Variants in ADAD2 observed in about 807,000 individuals in gnomAD.
ADAD2 encodes adenosine deaminase domain containing 2.
Under a neutral mutation model 54.5 loss-of-function variants are expected in ADAD2, and 60 were observed. The ratio of observed to expected loss-of-function variants is 1.10; its 90% CI spans 0.89 to 1.36. ADAD2 has a LOEUF of 1.36. Ranked by LOEUF, ADAD2 falls within the 40% of genes most tolerant of loss-of-function variation. The pLI is 0.00. For synonymous variants in ADAD2, 543 were observed against 366.2 expected (o/e 1.48, Z -5.51); for missense variants, 1,103 against 801.3 (o/e 1.38, Z -4.54).
In ADAD2 at chr16:84,193,738, C is replaced by G. The variant is rs143269934; in HGVS notation, c.419-704C>G. 4.6e-4 allele frequency: 164 copies of G among 353,046 alleles called. 1 individual carries two copies. In the East Asian group the frequency reaches 7.3e-3, roughly 16 times the overall value. 21.9% of individuals were successfully genotyped at this position (353,046 alleles called of 1,614,324 possible). On this transcript the variant is annotated intron_variant, in intron 1 of 9. Coordinates refer to ENST00000315906, the MANE Select transcript of ADAD2 (RefSeq NM_001145400.2). Reference sequence around the variant, plus strand: ...TGTTAGGATGGCAGCCACATGCTGGCTTTCTAAGGCCAACATCCCTTCCAC... The same window carrying G: ...TGTTAGGATGGCAGCCACATGCTGGGTTTCTAAGGCCAACATCCCTTCCAC...
Position 84,195,696 on chromosome 16 carries a change from T to A in ADAD2, c.1051T>A (p.Tyr351Asn). Residue 351 changes from tyrosine to asparagine, a missense_variant and splice_region_variant, in exon 6 of 10, where the codon TAC becomes AAC. By Grantham distance (143) the Tyr-to-Asn change is moderately radical. Coordinates refer to ENST00000315906, the MANE Select transcript of ADAD2 (RefSeq NM_001145400.2). ...NTPKGAARDI[Y>N]LPPTSEGGLP... ...CCCCAAGGGCGCGGCCCGTGACATC[T>A]AGTATGCAGGGCCCCCGGGGCAGGC... 2 of 1,542,382 alleles carry A rather than the reference T, an allele frequency of 1.3e-6. No individual in the cohort carries two copies. Among genetic ancestry groups the A allele is most frequent in the Non-Finnish European group, 1.7e-6 (2 of 1,147,020 alleles).
chr16:84,197,047 C>G lies in ADAD2; in HGVS notation c.*73C>G, dbSNP rs889446514. On this transcript the variant is annotated 3_prime_UTR_variant, in exon 10 of 10. Coordinates refer to ENST00000315906, the MANE Select transcript of ADAD2 (RefSeq NM_001145400.2). Reference sequence around the variant, plus strand: ...CTGGGGGAGTGCCCTATCTGAGGAGCGTTGTGGGGAGAACATGGGTTGTGC... The same window carrying G: ...CTGGGGGAGTGCCCTATCTGAGGAGGGTTGTGGGGAGAACATGGGTTGTGC... 6.9e-7 allele frequency: 1 copy of G among 1,441,508 alleles called. No homozygotes were observed. Among genetic ancestry groups the G allele is most frequent in the Admixed American group, 2.0e-5 (1 of 48,810 alleles). 89.3% of individuals were successfully genotyped at this position (1,441,508 alleles called of 1,614,324 possible).
intron 1 of ADAD2, chr16:84,193,977 G>A (rs371302161): frequency 2.6e-6 from 4 of 1,534,972 alleles, no homozygotes; most frequent in Non-Finnish European, 3.5e-6. Context: ...TGTGTTATAA[G>A]TAACACCCAA....
At position 84,195,844 on chromosome 16, in the gene ADAD2, C is replaced by G. The variant is rs766729531; in HGVS notation, c.1082C>G (p.Pro361Arg). Residue 361 changes from proline (P) to arginine (R), a missense_variant, in exon 7 of 10, where the codon CCG becomes CGG. Pro to Arg is a moderately radical substitution (Grantham distance 103). Coordinates refer to ENST00000315906, the MANE Select transcript of ADAD2 (RefSeq NM_001145400.2). The part of the protein sequence containing the change: ...YLPPTSEGGL[P>R]HSPPMRLQAH... ...CCCCCCACCTCGGAAGGTGGCCTCCCGCACAGCCCACCCATGCGCCTGCAG... is the reference window on the plus strand; with the variant it reads ...CCCCCCACCTCGGAAGGTGGCCTCCGGCACAGCCCACCCATGCGCCTGCAG... 1 of 1,607,510 alleles carries G rather than the reference C, an allele frequency of 6.2e-7. No homozygotes were observed. The highest frequency in any genetic ancestry group is 2.2e-5 in the East Asian group (1 of 44,774).
chr16:84,195,222 G>T (rs1257590626), intron 4 of ADAD2, 28 bp downstream of exon 4: 2 of 1,610,390 alleles, frequency 1.2e-6, no homozygotes, highest in Non-Finnish European at 1.7e-6. Flanking sequence ...CCTGGCCCTG[G>T]CCCCGGCCCC....
chr16:84,191,200 G>C lies in ADAD2; in HGVS notation c.-31G>C. On this transcript the variant is annotated 5_prime_UTR_variant, in exon 1 of 10. Coordinates refer to ENST00000315906, the MANE Select transcript of ADAD2 (RefSeq NM_001145400.2). ...AAAGGGCGAGAGCAGCGCGAGATAG[G>C]GCCTAGCGCCTCAGATCTTCGTTGG... The C allele has an allele frequency of 6.3e-7, 1 of 1,596,866 alleles. No individual in the cohort carries two copies. Among genetic ancestry groups the C allele is most frequent in the East Asian group, 2.3e-5 (1 of 44,444 alleles).
rs2089654688 is a variant in ADAD2 at position 84,191,559 on chromosome 16, AC to A, written c.332del (p.Pro111HisfsTer37). ...GCAGGGCTCAGCCTGCCGCTCAAAG[AC>A]CCACCTGCCAGCCAGGCCGTGTCCT... ...PPAGLSLPLKDPPASQAVSLL... is the reference protein window; with the variant it reads ...PPAGLSLPLKXPPASQAVSLL... On this transcript the variant is annotated frameshift_variant, in exon 1 of 10. Coordinates refer to ENST00000315906, the MANE Select transcript of ADAD2 (RefSeq NM_001145400.2). LOFTEE classifies it high-confidence loss of function. 6.5e-7 allele frequency: 1 copy of A among 1,548,182 alleles called. No homozygotes were observed. The highest frequency in any genetic ancestry group is 8.7e-7 in the Non-Finnish European group (1 of 1,146,632).
intron 2 of ADAD2, 131 bp downstream of exon 2, chr16:84,194,713 A>C: frequency 6.9e-7 from 1 of 1,459,330 alleles, no homozygotes; most frequent in Non-Finnish European, 9.3e-7. Context: ...CCATCTGAGC[A>C]TCAGGACGTC....
Position 84,191,411 on chromosome 16 carries a change from G to T in ADAD2, c.181G>T (p.Val61Phe), listed in dbSNP as rs1279294551. 6.7e-7 allele frequency: 1 copy of T among 1,495,518 alleles called. No homozygotes were observed. Among genetic ancestry groups the T allele is most frequent in the African/African-American group, 1.4e-5 (1 of 71,036 alleles). 92.6% of individuals were successfully genotyped at this position (1,495,518 alleles called of 1,614,324 possible). Residue 61 changes from valine (V) to phenylalanine (F), a missense_variant, in exon 1 of 10, where the codon GTC becomes TTC. Coordinates refer to ENST00000315906, the MANE Select transcript of ADAD2 (RefSeq NM_001145400.2). ...TYRAEGGWPQ[V>F]SVLRDSGPGA... Reference sequence around the variant, plus strand: ...TCGCGCGGAGGGCGGGTGGCCCCAGGTCTCGGTGTTGAGGGACAGTGGGCC... The same window carrying T: ...TCGCGCGGAGGGCGGGTGGCCCCAGTTCTCGGTGTTGAGGGACAGTGGGCC...
In ADAD2 at chr16:84,197,014, T is replaced by C; in HGVS notation, c.*40T>C. On this transcript the variant is annotated 3_prime_UTR_variant, in exon 10 of 10. Transcript: ENST00000315906. ...GGACCGAGGTCCCGGAGCCAAGCTG[T>C]ACCCCTGCTGGGGGAGTGCCCTATC... 6.5e-7 allele frequency: 1 copy of C among 1,546,234 alleles called. No homozygotes were observed. Among genetic ancestry groups the C allele is most frequent in the South Asian group, 1.2e-5 (1 of 84,264 alleles).
chr16:84,197,018 C>T lies in ADAD2; in HGVS notation c.*44C>T, dbSNP rs11639669. The T allele has an allele frequency of 1.9e-6, 3 of 1,541,812 alleles. No individual in the cohort carries two copies. The highest frequency in any genetic ancestry group is 1.8e-6 in the Non-Finnish European group (2 of 1,138,698). On this transcript the variant is annotated 3_prime_UTR_variant, in exon 10 of 10. Coordinates refer to ENST00000315906, the MANE Select transcript of ADAD2 (RefSeq NM_001145400.2). Reference sequence around the variant, plus strand: ...CGAGGTCCCGGAGCCAAGCTGTACCCCTGCTGGGGGAGTGCCCTATCTGAG... The same window carrying T: ...CGAGGTCCCGGAGCCAAGCTGTACCTCTGCTGGGGGAGTGCCCTATCTGAG...
intron 6 of ADAD2, 46 bp from the exon 7 acceptor site, chr16:84,195,769 A>C (rs936035411): frequency 1.7e-5 from 26 of 1,550,132 alleles, no homozygotes; most frequent in Non-Finnish European, 2.2e-5. Flanking sequence ...GGCCAGGGTC[A>C]GAAGAGCAGC....
chr16:84,195,435 G>A lies in ADAD2; in HGVS notation c.873G>A (p.Arg291=), dbSNP rs768360678. The A allele has an allele frequency of 1.2e-6, 2 of 1,609,852 alleles. No homozygotes were observed. Among genetic ancestry groups the A allele is most frequent in the South Asian group, 2.2e-5 (2 of 91,010 alleles). Residue 291 remains arginine, a synonymous_variant, in exon 5 of 10, where the codon AGG becomes AGA. Coordinates refer to ENST00000315906, the MANE Select transcript of ADAD2 (RefSeq NM_001145400.2). ...GCCATGGCCTGGTCATCGCCCGCAG[G>A]GCCCTGCTGAGGTGAGGGGCAGTGG... ...HDCHGLVIAR[R]ALLRFLFRQL...
Position 84,194,545 on chromosome 16 carries a change from T to G in ADAD2, c.522T>G (p.Ser174=), listed in dbSNP as rs2089700607. 2 of 1,609,612 alleles carry G rather than the reference T, an allele frequency of 1.2e-6. No homozygotes were observed. The highest frequency in any genetic ancestry group is 1.7e-5 in the Admixed American group (1 of 59,466). ...AGGCCAAACAGCAGGCAGCGCTCTC[T>G]GCCCTCTGCTACATCCGGAGTCAGC... ...KTEAKQQAAL[S]ALCYIRSQLE... is the part of the protein sequence containing the mutation. The change falls in exon 2 of 10, where the codon TCT becomes TCG. Residue 174 remains serine (S), a synonymous_variant. Coordinates refer to ENST00000315906, the MANE Select transcript of ADAD2 (RefSeq NM_001145400.2).
At chr16:84,194,884 A>T in intron 2 of ADAD2, 49 bp from the exon 3 acceptor site, 21 of 1,558,516 alleles carry the variant, frequency 1.3e-5, no homozygotes, top group Non-Finnish European at 1.6e-5. Context: ...TGAGGGACGG[A>T]GGGTGGGCCT....
At chr16:84,194,181 C>A in intron 1 of ADAD2, 1 of 1,593,168 alleles carries the variant, frequency 6.3e-7, no homozygotes, top group African/African-American at 1.3e-5. Flanking sequence ...TTCTGCTCAT[C>A]TGTGAAATGG....
Position 84,196,647 on chromosome 16 carries a change from T to A in ADAD2, c.1527T>A (p.Asn509Lys). The change falls in exon 9 of 10, where the codon AAT becomes AAA. Residue 509 changes from asparagine to lysine, a missense_variant and splice_region_variant. Transcript: ENST00000315906. ...TCAGTGGTATCCTCTCTTCATCCAGTGCCGCCCTGGGGCCTCCCTCCCGTC... is the reference window on the plus strand; with the variant it reads ...TCAGTGGTATCCTCTCTTCATCCAGAGCCGCCCTGGGGCCTCCCTCCCGTC... ...VDVATGRVKA[N>K]AALGPPSRLC... is the part of the protein sequence containing the mutation. 1 of 1,612,922 alleles carries A rather than the reference T, an allele frequency of 6.2e-7. No homozygotes were observed. Among genetic ancestry groups the A allele is most frequent in the Non-Finnish European group, 8.5e-7 (1 of 1,179,748 alleles).
intron 1 of ADAD2, chr16:84,194,026 G>C (rs368019635): frequency 1.3e-6 from 2 of 1,594,756 alleles, no homozygotes; most frequent in Non-Finnish European, 1.7e-6. Flanking sequence ...CAAATATAGA[G>C]CCCCTGGAGG....
In ADAD2 at chr16:84,191,216, T is replaced by A. The variant is rs762364042; in HGVS notation, c.-15T>A. 2.3e-5 allele frequency: 37 copies of A among 1,605,748 alleles called. No individual in the cohort carries two copies. Among genetic ancestry groups the A allele is most frequent in the Non-Finnish European group, 3.1e-5 (37 of 1,175,744 alleles). On this transcript the variant is annotated 5_prime_UTR_variant, in exon 1 of 10. Coordinates refer to ENST00000315906, the MANE Select transcript of ADAD2 (RefSeq NM_001145400.2). ...GCGAGATAGGGCCTAGCGCCTCAGATCTTCGTTGGCGGCCATGGCTTCGGC... is the reference window on the plus strand; with the variant it reads ...GCGAGATAGGGCCTAGCGCCTCAGAACTTCGTTGGCGGCCATGGCTTCGGC...
Sources: gnomAD v4.1 joint callset for allele counts on GRCh38, gnomAD v4.1.1 for gene constraint, MANE v1.5 for transcripts, NCBI Gene and HGNC (gene_info 2026-07-23, HGNC 2026-07-21) for gene names.